Variants in RET observed in about 807,000 individuals in gnomAD.
RET encodes the protein ret proto-oncogene.
A neutral mutation model predicts 118.3 loss-of-function variants in RET; 19 were observed. The ratio of observed to expected loss-of-function variants is 0.16; its 90% CI spans 0.11 to 0.24. The LOEUF is 0.24. Among genes scored for constraint, RET ranks in the 10% least tolerant of loss-of-function variants. The probability of loss-of-function intolerance (pLI) is 1.00; values close to 1 mark genes in which losing one functional copy is unlikely to be tolerated. For missense variants in RET, 1,219 were observed against 1,502.1 expected (o/e 0.81, Z 3.12); for synonymous variants, 597 against 644.1 (o/e 0.93, Z 1.11).
At chr10:43,126,806 T>C in intron 19 of RET, 84 bp downstream of exon 19, 1 of 1,559,496 alleles carries the variant, frequency 6.4e-7, no homozygotes, top group Non-Finnish European at 8.7e-7. Context: ...TTTTTAAAAA[T>C]GTTTCTGGTC....
At chr10:43,077,369 G>A (rs1284274732) in intron 1 of RET, 38 bp downstream of exon 1, 3 of 1,495,550 alleles carry the variant, frequency 2.0e-6, no homozygotes, top group South Asian at 2.5e-5. Context: ...CAGGGGCCAG[G>A]GCGAAGTTGG....
At position 43,119,636 on chromosome 10, in the gene RET, G is replaced by C. The variant is rs587782636; in HGVS notation, c.2498G>C (p.Arg833Pro). The C allele has an allele frequency of 6.2e-7, 1 of 1,613,070 alleles. No homozygotes were observed. Among genetic ancestry groups the C allele is most frequent in the Non-Finnish European group, 8.5e-7 (1 of 1,179,940 alleles). ...GPGYLGSGGS[R>P]NSSSLDHPDE... ...GGCTACCTGGGCAGTGGAGGCAGCC[G>C]CAACTCCAGCTCCCTGGACCACCCG... Residue 833 changes from arginine (R) to proline (P), a missense_variant, in exon 14 of 20, where the codon CGC becomes CCC. Physicochemically the swap from Arg to Pro is moderately radical, Grantham distance 103 (BLOSUM62 -2). Transcript: ENST00000355710.
At chr10:43,100,185 CTG>C (rs1837605999) in intron 1 of RET, among the ~76,000 whole-genome samples, 1 of 152,176 alleles carries the variant, frequency 6.6e-6, no homozygotes. Flanking sequence ...GTTGAGAAGT[CTG>C]TATGGTTCAG....
intron 7 of RET, among the ~76,000 whole-genome samples, 178 bp downstream of exon 7, chr10:43,111,643 C>T (rs1837936114): frequency 6.6e-6 from 1 of 152,264 alleles, no homozygotes; most frequent in South Asian, 2.1e-4. Flanking sequence ...AGATAACATA[C>T]AGGACCTTGG....
rs1838225340 is a variant in RET at position 43,121,862 on chromosome 10, G to A, written c.2731-84G>A. The A allele has an allele frequency of 4.9e-6, 5 of 1,017,778 alleles. No homozygotes were observed. The East Asian group carries it at 1.2e-4, about 24-fold the overall frequency. 63.0% of individuals were successfully genotyped at this position (1,017,778 alleles called of 1,614,324 possible). A position where few individuals can be genotyped will look rare whatever the true frequency, so the allele number is the denominator to read the frequency against. On this transcript the variant is annotated intron_variant, in intron 15 of 19. Coordinates refer to ENST00000355710, the MANE Select transcript of RET (RefSeq NM_020975.6). The stretch of plus-strand genomic sequence containing the variant: ...CACTCCTCTGGTTACTGAAAGCTCA[G>A]GGATAGGGCCTGGCCTTCTCCTTTA...
chr10:43,106,671 G>T lies in RET; in HGVS notation c.1063+100G>T. ...CCCTACACACATGCACACCTGGCAT[G>T]GCCCTCTGTGGCCCAAGCCACTTCC... On this transcript the variant is annotated intron_variant, in intron 5 of 19. Transcript: ENST00000355710. This position sits in a 1 kb window ranked among gnomAD's most constrained non-coding sequence, Gnocchi z 5.1. 7 of 1,217,454 alleles carry T rather than the reference G, an allele frequency of 5.7e-6. No individual in the cohort carries two copies. Among genetic ancestry groups the T allele is most frequent in the Non-Finnish European group, 8.2e-6 (7 of 854,972 alleles). 75.4% of individuals were successfully genotyped at this position (1,217,454 alleles called of 1,614,324 possible).
rs1197594387 is a variant in RET, at chr10:43,114,297, G to T, written c.1880-183G>T. On this transcript the variant is annotated intron_variant, in intron 10 of 19. Coordinates refer to ENST00000355710, the MANE Select transcript of RET (RefSeq NM_020975.6). The surrounding 1 kb of genome is among the most constrained non-coding windows in gnomAD (Gnocchi z 4.6). ...AGAGGGCAATAGTGGTCTAGGAGGG[G>T]GCAGTAAATGGCAGTACCCATGCTC... 6.6e-6 allele frequency among the ~76,000 whole-genome samples: 1 copy of T among 152,096 alleles called. No homozygotes were observed. Among genetic ancestry groups the T allele is most frequent in the Admixed American group, 6.5e-5 (1 of 15,278 alleles).
Position 43,119,618 on chromosome 10 carries a change from T to C in RET, c.2480T>C (p.Leu827Pro), listed in dbSNP as rs2132945857. Residue 827 changes from leucine (L) to proline (P), a missense_variant, in exon 14 of 20, where the codon CTG (leucine) becomes CCG (proline). Physicochemically the swap from Leu to Pro is moderately conservative, Grantham distance 98. Transcript: ENST00000355710. ...RESRKVGPGY[L>P]GSGGSRNSSS... is the part of the protein sequence containing the mutation. ...AGCCGCAAAGTGGGGCCTGGCTACC[T>C]GGGCAGTGGAGGCAGCCGCAACTCC... The C allele has an allele frequency of 6.2e-7, 1 of 1,612,908 alleles. No homozygotes were observed.
chr10:43,091,299 C>T (rs1275269515), intron 1 of RET, among the ~76,000 whole-genome samples: 1 of 152,090 alleles, frequency 6.6e-6, no homozygotes, highest in African/African-American at 2.4e-5. Flanking sequence ...GAACTCCTCA[C>T]ACTCAACAAC....
chr10:43,126,423 G>A, intron 18 of RET, 152 bp from the exon 19 acceptor site: 1 of 772,790 alleles, frequency 1.3e-6, no homozygotes, highest in East Asian at 2.4e-5. Context: ...GGAGCTCTAT[G>A]CAGCCTGGCC....
At chr10:43,107,045 G>T (rs1382409896) in intron 5 of RET, among the ~76,000 whole-genome samples, 1 of 152,216 alleles carries the variant, frequency 6.6e-6, no homozygotes, top group Non-Finnish European at 1.5e-5. Flanking sequence ...CCTGACTGCT[G>T]ACATGCCACC....
chr10:43,077,995 C>G (rs1018170064), intron 1 of RET, among the ~76,000 whole-genome samples: 1 of 152,210 alleles, frequency 6.6e-6, no homozygotes, highest in South Asian at 2.1e-4. Context: ...CGCTGCCTGG[C>G]AGAGATGCTG....
Position 43,114,523 on chromosome 10 carries a change from T to C in RET, c.1923T>C (p.Ala641=), listed in dbSNP as rs2132845948. The change falls in exon 11 of 20, where the codon GCT becomes GCC. Residue 641 remains alanine (A), a synonymous_variant. Transcript: ENST00000355710. This position sits in a 1 kb window ranked among gnomAD's most constrained non-coding sequence, Gnocchi z 4.6. ...DELCRTVIAA[A]VLFSFIVSVL... ...TGTGCCGCACGGTGATCGCAGCCGCTGTCCTCTTCTCCTTCATCGTCTCGG... is the reference window on the plus strand; with the variant it reads ...TGTGCCGCACGGTGATCGCAGCCGCCGTCCTCTTCTCCTTCATCGTCTCGG... 6.2e-7 allele frequency: 1 copy of C among 1,609,616 alleles called. No homozygotes were observed. The highest frequency in any genetic ancestry group is 8.5e-7 in the Non-Finnish European group (1 of 1,179,956).
In RET at chr10:43,119,791, AC is replaced by A. The variant is rs1838167620; in HGVS notation, c.2607+49del. On this transcript the variant is annotated intron_variant, in intron 14 of 19. Transcript: ENST00000355710. Reference sequence around the variant, plus strand: ...ACCCAGCCAGCCCCGGCCAGGCCACACCCTGACCCACCACGCCCCTGCCACC... The same window carrying A: ...ACCCAGCCAGCCCCGGCCAGGCCACACCTGACCCACCACGCCCCTGCCACC... The A allele has an allele frequency of 2.5e-6, 4 of 1,577,256 alleles. No homozygotes were observed. In the African/African-American group the frequency reaches 5.4e-5, roughly 21 times the overall value.
chr10:43,123,576 G>C (rs1838264478), intron 16 of RET, 95 bp from the exon 17 acceptor site: 6 of 1,526,558 alleles, frequency 3.9e-6, no homozygotes, highest in Middle Eastern at 1.7e-4. Flanking sequence ...GACAGGGTCA[G>C]CAGGTGCTTG....
chr10:43,077,583 G>A (rs1194351957), intron 1 of RET, among the ~76,000 whole-genome samples: 4 of 151,458 alleles, frequency 2.6e-5, no homozygotes, highest in Non-Finnish European at 5.9e-5. Flanking sequence ...GCCGGGCCGC[G>A]GGGGTCGGTG....
intron 1 of RET, among the ~76,000 whole-genome samples, chr10:43,088,733 C>T (rs963153260): frequency 1.3e-5 from 2 of 152,122 alleles, no homozygotes; most frequent in African/African-American, 2.4e-5. Context: ...CTGCAACACA[C>T]ACTTTCTCTC....
chr10:43,082,089 C>T (rs1837197756), intron 1 of RET, among the ~76,000 whole-genome samples: 1 of 152,162 alleles, frequency 6.6e-6, no homozygotes, highest in East Asian at 1.9e-4. Flanking sequence ...GACCCCGCTC[C>T]CCTCCATTCC....
chr10:43,102,783 C>T (rs1389661632), intron 3 of RET, 154 bp downstream of exon 3: 1 of 902,824 alleles, frequency 1.1e-6, no homozygotes, highest in Non-Finnish European at 1.7e-6. Context: ...CTGCCAGGGG[C>T]CAGGTACTGT....
Sources: gnomAD v4.1 joint callset for allele counts (sites outside exome capture counted in the v4.1 genomes callset) on GRCh38, gnomAD v4.1.1 for gene constraint, Gnocchi (gnomAD v3.1) non-coding constraint, MANE v1.5 for transcripts, NCBI Gene and HGNC (gene_info 2026-07-23, HGNC 2026-07-21) for gene names.